PPAT: variants seen among roughly 807,000 people sequenced by gnomAD.
The protein encoded by PPAT is phosphoribosyl pyrophosphate amidotransferase, also known as amidophosphoribosyltransferase.
PPAT carries 20 observed loss-of-function variants against 60.2 expected under a neutral mutation model. That is an observed-to-expected ratio of 0.33 (90% CI 0.23 to 0.48). The LOEUF (loss-of-function observed/expected upper bound fraction) is 0.48. Among genes scored for constraint, PPAT ranks in the 20% least tolerant of loss-of-function variants. The pLI, the probability that PPAT is intolerant of heterozygous loss-of-function variation, is 0.99. For synonymous variants in PPAT, 194 were observed against 215.1 expected (o/e 0.90, Z 0.86); for missense variants, 349 against 629.6 (o/e 0.55, Z 4.77).
intron 2 of PPAT, 63 bp from the exon 3 acceptor site, chr4:56,406,764 T>C: frequency 8.7e-7 from 1 of 1,149,608 alleles, no homozygotes; most frequent in Non-Finnish European, 1.3e-6. Flanking sequence ...AATAAACGCC[T>C]CTCTTCTCTG....
Position 56,394,332 on chromosome 4 carries a change from T to A in PPAT, c.*1020A>T, listed in dbSNP as rs1446762071. 6.6e-6 allele frequency: 1 copy of A among 152,188 alleles called. No homozygotes were observed. Among genetic ancestry groups the A allele is most frequent in the Non-Finnish European group, 1.5e-5 (1 of 68,018 alleles). The allele number at this position is 152,188 out of a possible 1,614,324, so 9.4% of individuals were successfully genotyped here. ...CCCTATTGTGTCTGTACTTGATCAC[T>A]TAATTGCAATAATATTTATGTGTAT... On this transcript the variant is annotated 3_prime_UTR_variant, in exon 11 of 11. Coordinates refer to ENST00000264220, the MANE Select transcript of PPAT (RefSeq NM_002703.5).
intron 1 of PPAT, among the ~76,000 whole-genome samples, chr4:56,419,338 A>C (rs1716923539): frequency 6.6e-6 from 1 of 152,124 alleles, no homozygotes; most frequent in Admixed American, 6.5e-5. Flanking sequence ...CTACATACTA[A>C]AGGAGTGGTA....
At position 56,402,109 on chromosome 4, in the gene PPAT, C is replaced by T. The variant is rs758557747; in HGVS notation, c.734G>A (p.Arg245Lys). The T allele has an allele frequency of 1.3e-6, 2 of 1,587,354 alleles. No homozygotes were observed. The highest frequency in any genetic ancestry group is 1.7e-6 in the Non-Finnish European group (2 of 1,160,524). ...ESCSFLSIGA[R>K]YYREVLPGEI... ...ATATGTCAAACAAGGTAAAACTTAC[C>T]TTGCACCAATAGATAAGAAGCTACA... The change falls in exon 6 of 11, where the codon AGA becomes AAA. Residue 245 changes from arginine to lysine, a missense_variant and splice_region_variant. Coordinates refer to ENST00000264220, the MANE Select transcript of PPAT (RefSeq NM_002703.5).
chr4:56,410,491 G>C (rs1302238936), intron 1 of PPAT: 1 of 983,588 alleles, frequency 1.0e-6, no homozygotes, highest in Non-Finnish European at 1.2e-6. Context: ...TGGAAATAGT[G>C]AATCATTTCC....
chr4:56,399,136 T>A, intron 9 of PPAT, 43 bp downstream of exon 9: 1 of 1,518,000 alleles, frequency 6.6e-7, no homozygotes, highest in Non-Finnish European at 9.1e-7. Context: ...GCCAGTATCT[T>A]ATTGTTAACT....
intron 8 of PPAT, chr4:56,400,580 C>G: frequency 2.1e-6 from 1 of 479,972 alleles, no homozygotes; most frequent in South Asian, 3.9e-5. Context: ...TTTTTCTTTT[C>G]AGTGAACCTT....
intron 1 of PPAT, among the ~76,000 whole-genome samples, chr4:56,407,918 A>G (rs1399498273): frequency 4.6e-5 from 7 of 152,218 alleles, no homozygotes. Context: ...TAACAATTAG[A>G]TATCTCATCT....
chr4:56,414,254 C>A (rs1285819269), intron 1 of PPAT: 1 of 152,150 alleles, frequency 6.6e-6, no homozygotes, highest in Non-Finnish European at 1.5e-5. Context: ...GTGTGTGATA[C>A]ACGGAAGAAG....
intron 1 of PPAT, among the ~76,000 whole-genome samples, chr4:56,431,166 G>A (rs1717564923): frequency 6.6e-6 from 1 of 152,120 alleles, no homozygotes. Flanking sequence ...TAGATTATGG[G>A]AGTATAAAAG....
At chr4:56,397,509 G>A (rs917261165) in intron 9 of PPAT, among the ~76,000 whole-genome samples, 5 of 152,058 alleles carry the variant, frequency 3.3e-5, no homozygotes, top group Non-Finnish European at 7.4e-5. Context: ...CTTCTACAGT[G>A]AGATTTTATT....
rs752854174 is a variant in PPAT, at chr4:56,394,750, A to T, written c.*602T>A. On this transcript the variant is annotated 3_prime_UTR_variant, in exon 11 of 11. Transcript: ENST00000264220. ...AACAATCATGAGTTGTCTTAAAATC[A>T]GAAGTGAAATGATGGCTCAAATCAC... The T allele has an allele frequency of 6.6e-6, 1 of 152,240 alleles. No homozygotes were observed. Among genetic ancestry groups the T allele is most frequent in the South Asian group, 2.1e-4 (1 of 4,836 alleles). The allele number at this position is 152,240 out of a possible 1,614,324, so 9.4% of individuals were successfully genotyped here.
intron 1 of PPAT, chr4:56,428,917 C>G: frequency 2.5e-6 from 2 of 814,950 alleles, no homozygotes; most frequent in Non-Finnish European, 3.0e-6. Context: ...CATAATGATT[C>G]TTTTCCTGTG....
intron 9 of PPAT, among the ~76,000 whole-genome samples, chr4:56,397,357 A>G (rs558646248): frequency 6.6e-6 from 1 of 152,186 alleles, no homozygotes; most frequent in Non-Finnish European, 1.5e-5. Context: ...AAACTCTTGT[A>G]TCTATTACAT....
intron 1 of PPAT, among the ~76,000 whole-genome samples, chr4:56,411,377 C>G (rs1578121931): frequency 6.6e-6 from 1 of 152,330 alleles, no homozygotes; most frequent in Non-Finnish European, 1.5e-5. Context: ...CTGTTCTACA[C>G]TATTTCATTA....
rs749814871 is a variant in PPAT, at chr4:56,396,670, C to T, written c.1306G>A (p.Glu436Lys). 6.2e-7 allele frequency: 1 copy of T among 1,609,804 alleles called. No homozygotes were observed. The highest frequency in any genetic ancestry group is 1.1e-5 in the South Asian group (1 of 90,914). Reference sequence around the variant, plus strand: ...TCTGGTTTATTGGCAATGAGCTCTTCTTTTGTAGGAATGTTTATTCCCATG... The same window carrying T: ...TCTGGTTTATTGGCAATGAGCTCTTTTTTTGTAGGAATGTTTATTCCCATG... ...CFMGINIPTK[E>K]ELIANKPEFD... is the part of the protein sequence containing the mutation. The change falls in exon 10 of 11, where the codon GAA becomes AAA. Residue 436 changes from glutamate (E) to lysine (K), a missense_variant. By Grantham distance (56) the Glu-to-Lys change is moderately conservative (BLOSUM62 1). This residue lies in a region of PPAT where 167 missense variants were observed against 328.6 expected (regional missense o/e 0.51). Transcript: ENST00000264220. This position sits in a 1 kb window ranked among gnomAD's most constrained non-coding sequence, Gnocchi z 4.6.
In PPAT at chr4:56,401,181, C is replaced by T. The variant is rs1716100819; in HGVS notation, c.886+149G>A. The T allele has an allele frequency of 4.8e-6, 4 of 833,036 alleles. No individual in the cohort carries two copies. In the South Asian group the frequency reaches 6.2e-5, roughly 13 times the overall value. The allele number at this position is 833,036 out of a possible 1,614,324, so 51.6% of individuals were successfully genotyped here. On this transcript the variant is annotated intron_variant, in intron 7 of 10. Transcript: ENST00000264220. ...TCAAAAGGAAGTGAAAAATAGTGAT[C>T]TTATGACTTGTGGGCTCAGTCCTAT...
At chr4:56,411,244 A>G (rs77327561) in intron 1 of PPAT, among the ~76,000 whole-genome samples, 4,073 of 152,304 alleles carry the variant, frequency 0.027, 200 homozygotes, top group African/African-American at 0.092. Context: ...AGAGTGGTAA[A>G]TAAGGGGAAA....
intron 1 of PPAT, among the ~76,000 whole-genome samples, chr4:56,430,910 T>C (rs1021301804): frequency 6.6e-6 from 1 of 152,012 alleles, no homozygotes; most frequent in African/African-American, 2.4e-5. Flanking sequence ...CTTCCCAATA[T>C]TGACCAGAAT....
intron 1 of PPAT, among the ~76,000 whole-genome samples, chr4:56,411,049 A>G (rs562295527): frequency 1.3e-5 from 2 of 152,174 alleles, no homozygotes; most frequent in African/African-American, 4.8e-5. Context: ...TAACCAATTT[A>G]TTATGCTATT....
Sources: allele counts gnomAD v4.1 joint callset (sites outside exome capture counted in the v4.1 genomes callset), GRCh38; gene constraint gnomAD v4.1.1; regional missense constraint gnomAD v4.1.1; non-coding constraint Gnocchi (gnomAD v3.1); transcripts MANE v1.5; gene names NCBI Gene and HGNC (gene_info 2026-07-23, HGNC 2026-07-21).